USH2A: variants seen among roughly 807,000 people sequenced by gnomAD.
USH2A encodes the protein usherin, also known as Usher syndrome 2A (autosomal recessive, mild).
In USH2A, 443 loss-of-function variants were observed where a neutral mutation model predicts 538.9. That is an observed-to-expected ratio of 0.82 (90% confidence interval 0.76 to 0.89). The LOEUF (loss-of-function observed/expected upper bound fraction) is 0.89, where lower values mean the gene tolerates loss of function less well. Ranked by LOEUF, USH2A falls within the 40% of genes least tolerant of loss-of-function variation. The probability of loss-of-function intolerance (pLI) is 0.00; values close to 1 mark genes in which losing one functional copy is unlikely to be tolerated. For missense variants in USH2A, 6,633 were observed against 6,324.8 expected, an observed-to-expected ratio of 1.05 and a Z score of -1.65; for synonymous variants, 2,413 against 2,273.5, an observed-to-expected ratio of 1.06 and a Z score of -1.75.
chr1:215,733,003 T>C (rs191121186), intron 60 of USH2A, among the ~76,000 whole-genome samples: 213 of 152,278 alleles, frequency 1.4e-3, no homozygotes, highest in African/African-American at 4.8e-3. Flanking sequence ...CCTTTTGCAT[T>C]GCTACAAAAA....
intron 3 of USH2A, among the ~76,000 whole-genome samples, chr1:216,409,410 G>A (rs2039446232): frequency 6.6e-6 from 1 of 151,994 alleles, no homozygotes; most frequent in Admixed American, 6.6e-5. Flanking sequence ...CCAAAAATGA[G>A]CCCAAATAGA....
At chr1:216,353,839 C>T (rs573940738) in intron 4 of USH2A, among the ~76,000 whole-genome samples, 53 of 152,086 alleles carry the variant, frequency 3.5e-4, no homozygotes, top group Non-Finnish European at 4.7e-4. Context: ...TTTAACCAAT[C>T]AAAATGTAGA....
chr1:216,318,878 A>T (rs923899274), intron 9 of USH2A, among the ~76,000 whole-genome samples: 1 of 152,172 alleles, frequency 6.6e-6, no homozygotes, highest in African/African-American at 2.4e-5. Context: ...TCATTCATTT[A>T]ATGGCTCTAT....
At chr1:216,231,886 C>A in intron 14 of USH2A, 67 bp downstream of exon 14, 1 of 1,597,092 alleles carries the variant, frequency 6.3e-7, no homozygotes, top group Non-Finnish European at 8.6e-7. Flanking sequence ...TATTGCTTTG[C>A]AACTGCCAAA....
intron 3 of USH2A, among the ~76,000 whole-genome samples, chr1:216,366,837 G>T (rs139038141): frequency 1.1e-3 from 160 of 152,102 alleles, no homozygotes; most frequent in African/African-American, 3.8e-3. Flanking sequence ...GATATATTCC[G>T]CTTTGTTGGG....
chr1:216,242,179 A>C (rs604975), intron 13 of USH2A, among the ~76,000 whole-genome samples: 2 of 149,120 alleles, frequency 1.3e-5, no homozygotes, highest in South Asian at 2.1e-4. Context: ...GTGAAACCCC[A>C]TCTCTGCTTT....
intron 50 of USH2A, among the ~76,000 whole-genome samples, chr1:215,797,206 T>C (rs1448910250): frequency 6.6e-6 from 1 of 152,156 alleles, no homozygotes; most frequent in Admixed American, 6.5e-5. Flanking sequence ...ATGAGGAAGC[T>C]GCAGAAGAAT....
Position 216,070,226 on chromosome 1 carries a change from C to A in USH2A, c.5924G>T (p.Trp1975Leu). The A allele has an allele frequency of 6.2e-7, 1 of 1,613,942 alleles. No individual in the cohort carries two copies. The highest frequency in any genetic ancestry group is 8.5e-7 in the Non-Finnish European group (1 of 1,179,914). Residue 1975 changes from tryptophan to leucine, a missense_variant, in exon 30 of 72, where the codon TGG becomes TTG. Coordinates refer to ENST00000307340, the MANE Select transcript of USH2A (RefSeq NM_206933.4). ...SLNGYSIEVT[W>L]DEPVVRGVIE... Reference sequence around the variant, plus strand: ...TACACCTCTGACAACAGGTTCATCCCAGGTCACCTCAATGCTGTATCCATT... The same window carrying A: ...TACACCTCTGACAACAGGTTCATCCAAGGTCACCTCAATGCTGTATCCATT...
intron 41 of USH2A, among the ~76,000 whole-genome samples, chr1:215,880,196 G>A (rs931252675): frequency 6.6e-6 from 1 of 152,150 alleles, no homozygotes; most frequent in Non-Finnish European, 1.5e-5. Flanking sequence ...CCAAAGAGGA[G>A]CAATATAGAA....
intron 61 of USH2A, among the ~76,000 whole-genome samples, chr1:215,685,514 C>T (rs188680878): frequency 3.9e-5 from 6 of 151,936 alleles, no homozygotes; most frequent in Non-Finnish European, 5.9e-5. Context: ...CCCGCCACCA[C>T]GCCCAGGTAA....
At chr1:215,955,269 G>C (rs1011250134) in intron 37 of USH2A, among the ~76,000 whole-genome samples, 1 of 152,140 alleles carries the variant, frequency 6.6e-6, no homozygotes, top group Admixed American at 6.5e-5. Flanking sequence ...AGTTAGCATA[G>C]TGATGATTTG....
intron 5 of USH2A, among the ~76,000 whole-genome samples, chr1:216,327,083 T>C (rs2037748893): frequency 6.6e-6 from 1 of 152,196 alleles, no homozygotes; most frequent in African/African-American, 2.4e-5. Flanking sequence ...ATTTGTTCAC[T>C]GAAAATAGAA....
chr1:215,643,512 A>AAAT (rs34734643), intron 67 of USH2A, among the ~76,000 whole-genome samples: 7,762 of 151,770 alleles, frequency 0.051, 338 homozygotes, highest in East Asian at 0.19. Context: ...AAAAAAACAC[A>AAAT]AATAGATAAA....
intron 32 of USH2A, among the ~76,000 whole-genome samples, chr1:216,015,005 A>G (rs1290632796): frequency 6.6e-6 from 1 of 152,078 alleles, no homozygotes; most frequent in African/African-American, 2.4e-5. Context: ...TTGCTTCTTT[A>G]TGATCTAATA....
rs187580700 is a variant in USH2A, at chr1:216,364,894, C to T, written c.784+59G>A. On this transcript the variant is annotated intron_variant, in intron 4 of 71. Transcript: ENST00000307340. ...ATTTTAAAATATTATTTGTTTGATGCATTTTTAAGAACAATGTAATTGGAT... is the reference window on the plus strand; with the variant it reads ...ATTTTAAAATATTATTTGTTTGATGTATTTTTAAGAACAATGTAATTGGAT... 6 of 1,600,074 alleles carry T rather than the reference C, an allele frequency of 3.7e-6. No homozygotes were observed. The East Asian group carries it at 1.3e-4, about 36-fold the overall frequency.
chr1:216,073,746 C>T (rs2031650840), intron 27 of USH2A, among the ~76,000 whole-genome samples: 1 of 152,180 alleles, frequency 6.6e-6, no homozygotes, highest in Non-Finnish European at 1.5e-5. Flanking sequence ...TCAGTAAGCT[C>T]ATTGGGGAAA....
At chr1:215,971,571 CATAG>C (rs1167486717) in intron 35 of USH2A, among the ~76,000 whole-genome samples, 2 of 152,062 alleles carry the variant, frequency 1.3e-5, no homozygotes, top group African/African-American at 4.8e-5. Flanking sequence ...GCCTGGGCAA[CATAG>C]AGAGACCCTA....
At chr1:215,928,875 T>A (rs1666298524) in intron 38 of USH2A, among the ~76,000 whole-genome samples, 1 of 152,096 alleles carries the variant, frequency 6.6e-6, no homozygotes, top group Admixed American at 6.6e-5. Context: ...ATTCAGTAGT[T>A]CAAGCTAAAA....
intron 19 of USH2A, among the ~76,000 whole-genome samples, chr1:216,193,812 C>G (rs979813511): frequency 2.0e-5 from 3 of 151,990 alleles, no homozygotes; most frequent in Non-Finnish European, 4.4e-5. Flanking sequence ...GTACTAACAC[C>G]TAAATTTCCG....
Sources: allele counts gnomAD v4.1 joint callset (sites outside exome capture counted in the v4.1 genomes callset), GRCh38; gene constraint gnomAD v4.1.1; transcripts MANE v1.5; gene names NCBI Gene and HGNC (gene_info 2026-07-23, HGNC 2026-07-21).